Variants in NCOR2 observed in about 807,000 individuals in gnomAD.
NCOR2 encodes CTG repeat protein 26.
A neutral mutation model predicts 262.9 loss-of-function variants in NCOR2; 81 were observed. The observed-to-expected ratio is 0.31, with a 90% CI of 0.26 to 0.37. NCOR2 has a LOEUF of 0.37. Among genes scored for constraint, NCOR2 ranks in the 10% least tolerant of loss-of-function variants. The pLI is 1.00. For missense variants in NCOR2, 3,385 were observed against 3,621.4 expected (o/e 0.93, Z 1.68); for synonymous variants, 1,659 against 1,559.3 (o/e 1.06, Z -1.51).
At chr12:124,509,606 C>A (rs2049274786) in intron 1 of NCOR2, among the ~76,000 whole-genome samples, 1 of 152,160 alleles carries the variant, frequency 6.6e-6, no homozygotes, top group Non-Finnish European at 1.5e-5. Context: ...GAGGACAGGT[C>A]CAAAGCCAGC....
intron 7 of NCOR2, among the ~76,000 whole-genome samples, chr12:124,445,618 A>C (rs2045115851): frequency 6.6e-6 from 1 of 152,124 alleles, no homozygotes; most frequent in Non-Finnish European, 1.5e-5. Flanking sequence ...CGTGAGCGCC[A>C]GGGAGGCTGC....
At position 124,481,706 on chromosome 12, in the gene NCOR2, C is replaced by T. The variant is rs554282868; in HGVS notation, c.411+1890G>A. Among the ~76,000 whole-genome samples, 53 of 152,220 alleles carry T rather than the reference C, an allele frequency of 3.5e-4. No individual in the cohort carries two copies. The highest frequency in any genetic ancestry group is 1.1e-3 in the African/African-American group (44 of 41,522). On this transcript the variant is annotated intron_variant, in intron 3 of 46. Transcript: ENST00000405201. This position sits in a 1 kb window ranked among gnomAD's most constrained non-coding sequence, Gnocchi z 4.6. ...GGGAGGTGACGGGGCTGGATCACGC[C>T]GGACCTGCAGCCCATGGCAAGGATT...
intron 13 of NCOR2, among the ~76,000 whole-genome samples, chr12:124,416,352 C>G (rs2136272119): frequency 6.6e-6 from 1 of 152,332 alleles, no homozygotes; most frequent in East Asian, 1.9e-4. Context: ...AAGACTCAGG[C>G]CCCCTGCTGT....
At chr12:124,484,202 ACACAGATAACAG>A (rs2047657308) in intron 2 of NCOR2, among the ~76,000 whole-genome samples, 1 of 152,208 alleles carries the variant, frequency 6.6e-6, no homozygotes, top group East Asian at 1.9e-4. Context: ...TGTGAGCCTA[ACACAGATAACAG>A]CACCCGTGAT....
chr12:124,535,369 G>A (rs2051073208), intron 1 of NCOR2, among the ~76,000 whole-genome samples, 196 bp downstream of exon 2: 1 of 152,210 alleles, frequency 6.6e-6, no homozygotes. Flanking sequence ...CATCACTGGG[G>A]GACCCCGCAA....
chr12:124,383,129 C>A (rs749369797), intron 17 of NCOR2, among the ~76,000 whole-genome samples: 1 of 152,196 alleles, frequency 6.6e-6, no homozygotes, highest in Non-Finnish European at 1.5e-5. Flanking sequence ...CATACTAGGC[C>A]GCATTCCCAG....
rs138216795 is a variant in NCOR2 at position 124,398,592 on chromosome 12, C to T, written c.1814-411G>A. Among the ~76,000 whole-genome samples, 627 of 152,344 alleles carry T rather than the reference C, an allele frequency of 4.1e-3. 9 individuals carry two copies. Among genetic ancestry groups the T allele is most frequent in the East Asian group, 0.017 (90 of 5,182 alleles). The stretch of plus-strand genomic sequence containing the variant: ...TGACGTGGCGACAGTGGGACACAAG[C>T]TTCAGGTGGGCCGGGACCTCATCTG... On this transcript the variant is annotated intron_variant, in intron 15 of 46. Transcript: ENST00000405201.
exon 41 of NCOR2, chr12:124,334,613 A>G: frequency 8.0e-7 from 1 of 1,244,954 alleles, no homozygotes. Flanking sequence ...CTGTGTGATG[A>G]CCTCCTGCAG....
At chr12:124,438,308 C>T (rs1237087216) in intron 7 of NCOR2, among the ~76,000 whole-genome samples, 3 of 152,142 alleles carry the variant, frequency 2.0e-5, no homozygotes, top group Admixed American at 1.3e-4. Flanking sequence ...CATCTGCCCA[C>T]GGAAAGATGG....
chr12:124,477,747 A>T (rs1471782264), intron 3 of NCOR2, among the ~76,000 whole-genome samples: 1 of 152,224 alleles, frequency 6.6e-6, no homozygotes, highest in East Asian at 1.9e-4. Context: ...TGCACTCCTG[A>T]TGACTGTCCA....
At chr12:124,366,350 T>C (rs896095648) in intron 20 of NCOR2, among the ~76,000 whole-genome samples, 2 of 152,114 alleles carry the variant, frequency 1.3e-5, no homozygotes, top group African/African-American at 2.4e-5. Flanking sequence ...AGGCCTCTAG[T>C]GTAGATTCCG....
intron 16 of NCOR2, among the ~76,000 whole-genome samples, chr12:124,390,962 G>A (rs2136146184): frequency 6.6e-6 from 1 of 152,376 alleles, no homozygotes; most frequent in Non-Finnish European, 1.5e-5. Context: ...CACGGGAGTG[G>A]GTGCTTGGGG....
At chr12:124,435,035 G>A (rs773899905) in intron 8 of NCOR2, among the ~76,000 whole-genome samples, 46 of 152,344 alleles carry the variant, frequency 3.0e-4, no homozygotes, top group Non-Finnish European at 5.6e-4. Context: ...GAGGGCAGAT[G>A]TTTCCACGCG....
rs574075934 is a variant in NCOR2 at position 124,389,573 on chromosome 12, C to T, written c.1877-3686G>A. 6.6e-6 allele frequency among the ~76,000 whole-genome samples: 1 copy of T among 152,248 alleles called. No individual in the cohort carries two copies. Among genetic ancestry groups the T allele is most frequent in the Non-Finnish European group, 1.5e-5 (1 of 68,038 alleles). On this transcript the variant is annotated intron_variant, in intron 16 of 46. Transcript: ENST00000405201. This position sits in a 1 kb window ranked among gnomAD's most constrained non-coding sequence, Gnocchi z 4.4. ...CATCATCCCCCGCCGCCCGTCCCCC[C>T]ACCCTCCGTGTCAGTTCCACCTGAG...
intron 5 of NCOR2, among the ~76,000 whole-genome samples, chr12:124,461,183 C>A (rs535380650): frequency 6.6e-6 from 1 of 152,222 alleles, no homozygotes; most frequent in Admixed American, 6.5e-5. Context: ...CCCCCACGCA[C>A]GTCCTCCCAC....
At chr12:124,466,456 A>G (rs2046424609) in intron 4 of NCOR2, among the ~76,000 whole-genome samples, 170 bp from the exon 7 acceptor site, 1 of 152,112 alleles carries the variant, frequency 6.6e-6, no homozygotes, top group Non-Finnish European at 1.5e-5. Flanking sequence ...CACCCGGGAG[A>G]GGCCCCAGCT....
chr12:124,334,671 T>C (rs1401032322), intron 40 of NCOR2, 54 bp from the exon 43 acceptor site: 58 of 560,382 alleles, frequency 1.0e-4, no homozygotes, highest in Middle Eastern at 4.3e-4. Flanking sequence ...GACAGAACCT[T>C]CTGGGGGTGG....
intron 1 of NCOR2, among the ~76,000 whole-genome samples, chr12:124,522,540 A>G (rs1379874573): frequency 1.3e-5 from 2 of 152,228 alleles, no homozygotes; most frequent in Non-Finnish European, 2.9e-5. Context: ...TTTAGGGCCC[A>G]TCCTATTCCA....
chr12:124,512,563 T>C (rs1022776264), intron 1 of NCOR2, among the ~76,000 whole-genome samples: 3 of 152,212 alleles, frequency 2.0e-5, no homozygotes, highest in African/African-American at 4.8e-5. Context: ...TACTAGGACA[T>C]GGACCTAACT....
Sources: allele counts gnomAD v4.1 joint callset (sites outside exome capture counted in the v4.1 genomes callset), GRCh38; gene constraint gnomAD v4.1.1; non-coding constraint Gnocchi (gnomAD v3.1); transcripts MANE v1.5; gene names NCBI Gene and HGNC (gene_info 2026-07-23, HGNC 2026-07-21).